The following CXCL13 variants were observed in gnomAD, a reference collection of about 807,000 sequenced individuals.
CXCL13 encodes the protein C-X-C motif chemokine 13.
Under a neutral mutation model 12.2 loss-of-function variants are expected in CXCL13, and 7 were observed. The ratio of observed to expected loss-of-function variants is 0.57; its 90% CI spans 0.33 to 1.07. CXCL13 has a LOEUF of 1.07. CXCL13 is among the 50% of genes least tolerant of loss of function. The probability of loss-of-function intolerance (pLI) is 0.04; values close to 1 mark genes in which losing one functional copy is unlikely to be tolerated. For missense variants in CXCL13, 113 were observed against 127.4 expected (o/e 0.89, Z 0.55); for synonymous variants, 47 against 42.4 (o/e 1.11, Z -0.42).
chr4:77,530,821 TG>T (rs1406655464), intron 1 of CXCL13, among the ~76,000 whole-genome samples: 1 of 152,164 alleles, frequency 6.6e-6, no homozygotes, highest in Non-Finnish European at 1.5e-5. Flanking sequence ...TGCTAGCTTT[TG>T]TATGTGTTTG....
chr4:77,527,837 G>T (rs1192032920), intron 1 of CXCL13, among the ~76,000 whole-genome samples: 2 of 151,920 alleles, frequency 1.3e-5, no homozygotes, highest in Non-Finnish European at 2.9e-5. Context: ...GTGCAGGTTA[G>T]TTACATATGT....
chr4:77,533,982 C>G (rs1486435370), intron 1 of CXCL13, among the ~76,000 whole-genome samples: 2 of 152,200 alleles, frequency 1.3e-5, no homozygotes, highest in African/African-American at 4.8e-5. Context: ...TTGCACTTCC[C>G]AGGTGAGGCA....
intron 1 of CXCL13, among the ~76,000 whole-genome samples, chr4:77,582,710 A>G (rs548411276): frequency 6.6e-6 from 1 of 152,338 alleles, no homozygotes; most frequent in Non-Finnish European, 1.5e-5. Flanking sequence ...GGGAGATAAC[A>G]TGATTACTTC....
chr4:77,546,669 G>A (rs976244278), intron 1 of CXCL13, among the ~76,000 whole-genome samples: 3 of 151,830 alleles, frequency 2.0e-5, no homozygotes, highest in African/African-American at 7.3e-5. Context: ...GGTCTATTTT[G>A]TTGATCTTTT....
intron 1 of CXCL13, among the ~76,000 whole-genome samples, chr4:77,572,923 T>C (rs1406410878): frequency 1.3e-5 from 2 of 151,136 alleles, no homozygotes; most frequent in African/African-American, 4.9e-5. Flanking sequence ...AATGAGAACA[T>C]GTCCTTTGCA....
chr4:77,561,408 A>G (rs879494423), intron 1 of CXCL13, among the ~76,000 whole-genome samples: 11 of 152,248 alleles, frequency 7.2e-5, no homozygotes, highest in Non-Finnish European at 1.5e-4. Flanking sequence ...ATTAGTGCCT[A>G]CCATGGGCCA....
upstream of CXCL13, among the ~76,000 whole-genome samples, chr4:77,604,357 A>G (rs1043819690): frequency 2.0e-5 from 3 of 152,186 alleles, no homozygotes; most frequent in Non-Finnish European, 4.4e-5. Flanking sequence ...CCTTCTGTCT[A>G]TCGCAGGAGT....
intron 1 of CXCL13, among the ~76,000 whole-genome samples, chr4:77,540,180 A>C (rs1725165491): frequency 6.6e-6 from 1 of 152,144 alleles, no homozygotes; most frequent in African/African-American, 2.4e-5. Context: ...AGATAGAAAA[A>C]ATTTTTATAC....
At chr4:77,552,124 G>A (rs531280652) in intron 1 of CXCL13, among the ~76,000 whole-genome samples, 19 of 152,284 alleles carry the variant, frequency 1.2e-4, no homozygotes, top group African/African-American at 4.6e-4. Flanking sequence ...TGGAGAGGTA[G>A]TGTGATACTT....
At chr4:77,576,482 C>A (rs1226498466) in intron 1 of CXCL13, among the ~76,000 whole-genome samples, 2 of 152,190 alleles carry the variant, frequency 1.3e-5, no homozygotes, top group Non-Finnish European at 2.9e-5. Context: ...CAAGAATCCA[C>A]TTTCTTGCAA....
chr4:77,566,419 C>A (rs1006477683), intron 1 of CXCL13, among the ~76,000 whole-genome samples: 1 of 152,112 alleles, frequency 6.6e-6, no homozygotes, highest in Non-Finnish European at 1.5e-5. Flanking sequence ...AGAAAAGAAA[C>A]AAAGTGTAAT....
rs530420907 is a variant in CXCL13 at position 77,560,984 on chromosome 4, C to T, written c.-42-44840C>T. Among the ~76,000 whole-genome samples, 3 of 152,142 alleles carry T rather than the reference C, an allele frequency of 2.0e-5. No homozygotes were observed. In the South Asian group the frequency reaches 6.2e-4, roughly 32 times the overall value. ...CTCTTGCATAGCTCTGTCCTGGGAA[C>T]CCCAGGCAGTTAAGTTTATTAGTGA... On this transcript the variant is annotated intron_variant, in intron 1 of 4. Transcript: ENST00000286758.
intron 1 of CXCL13, among the ~76,000 whole-genome samples, chr4:77,529,732 G>T (rs1022235632): frequency 6.6e-6 from 1 of 152,096 alleles, no homozygotes; most frequent in Non-Finnish European, 1.5e-5. Context: ...CAGGGACAAT[G>T]TGACTTCCTC....
chr4:77,521,342 G>A (rs552956408), intron 1 of CXCL13, among the ~76,000 whole-genome samples: 1 of 152,216 alleles, frequency 6.6e-6, no homozygotes, highest in Non-Finnish European at 1.5e-5. Flanking sequence ...AATCCATCTG[G>A]TCCTGGACTT....
chr4:77,560,913 G>A (rs1027486572), intron 1 of CXCL13, among the ~76,000 whole-genome samples: 1 of 152,092 alleles, frequency 6.6e-6, no homozygotes, highest in Non-Finnish European at 1.5e-5. Flanking sequence ...TTCCCATGAT[G>A]CTGAAATCCT....
At chr4:77,543,050 A>C (rs1725246490) in intron 1 of CXCL13, among the ~76,000 whole-genome samples, 1 of 152,028 alleles carries the variant, frequency 6.6e-6, no homozygotes, top group African/African-American at 2.4e-5. Context: ...ACTCAATATT[A>C]GTCTGTTCAG....
chr4:77,546,712 T>C (rs1188660373), intron 1 of CXCL13, among the ~76,000 whole-genome samples: 3 of 152,190 alleles, frequency 2.0e-5, no homozygotes, highest in Non-Finnish European at 2.9e-5. Context: ...ATTGATGTTT[T>C]GGAGAGATTT....
At chr4:77,593,273 T>TA (rs1351492237) in intron 1 of CXCL13, among the ~76,000 whole-genome samples, 3 of 152,210 alleles carry the variant, frequency 2.0e-5, no homozygotes, top group African/African-American at 2.4e-5. Context: ...AACCTCAAAT[T>TA]AAACATTTTA....
intron 1 of CXCL13, among the ~76,000 whole-genome samples, chr4:77,537,592 A>G (rs1425379385): frequency 6.6e-6 from 1 of 152,208 alleles, no homozygotes; most frequent in Non-Finnish European, 1.5e-5. Context: ...TGGTTAGAAG[A>G]TTCCAAGTAT....
Sources: gnomAD v4.1 joint callset for allele counts (sites outside exome capture counted in the v4.1 genomes callset) on GRCh38, gnomAD v4.1.1 for gene constraint, MANE v1.5 for transcripts, NCBI Gene and HGNC (gene_info 2026-07-23, HGNC 2026-07-21) for gene names.